The following ERC1 variants were observed in gnomAD, a reference collection of about 807,000 sequenced individuals.
ERC1 encodes the protein RAB6 interacting protein 2.
A neutral mutation model predicts 132.0 loss-of-function variants in ERC1; 56 were observed. The observed-to-expected ratio is 0.42, with a 90% CI of 0.34 to 0.53. The LOEUF is 0.53. Ranked by LOEUF, ERC1 falls within the 20% of genes least tolerant of loss-of-function variation. The pLI, the probability that ERC1 is intolerant of heterozygous loss-of-function variation, is 0.03. For missense variants in ERC1, 1,202 were observed against 1,349.9 expected, an observed-to-expected ratio of 0.89 and a Z score of 1.72; for synonymous variants, 478 against 476.1, an observed-to-expected ratio of 1.00 and a Z score of -0.05.
intron 15 of ERC1, among the ~76,000 whole-genome samples, chr12:1,337,680 G>A (rs1374518584): frequency 1.3e-5 from 2 of 152,168 alleles, no homozygotes; most frequent in Non-Finnish European, 2.9e-5. Flanking sequence ...GCTGGTAATG[G>A]TCTTTCCTTT....
chr12:1,204,360 C>A, intron 12 of ERC1: 1 of 524,514 alleles, frequency 1.9e-6, no homozygotes, highest in Non-Finnish European at 3.3e-6. Context: ...TTTTTAGTGA[C>A]TGTATAGAAT....
rs1436755379 is a variant in ERC1, at chr12:1,180,270, TGTGTGTGTGTGTGC to T, written c.1738-268_1738-255del. On this transcript the variant is annotated intron_variant, in intron 8 of 18. Transcript: ENST00000360905. Reference sequence around the variant, plus strand: ...TGTTAGGGATGTGTGTGTGTGTGTGTGTGTGTGTGTGTGCGCGCACGCGTGTGCGCGCGCGCATA... The same window carrying T: ...TGTTAGGGATGTGTGTGTGTGTGTGTGCGCACGCGTGTGCGCGCGCGCATA... Among the ~76,000 whole-genome samples the T allele has an allele frequency of 1.1e-4, 17 of 148,072 alleles. No individual in the cohort carries two copies. The East Asian group carries it at 3.1e-3, about 27-fold the overall frequency.
At chr12:1,421,052 T>G (rs1319766213) in intron 17 of ERC1, among the ~76,000 whole-genome samples, 6 of 152,184 alleles carry the variant, frequency 3.9e-5, no homozygotes, top group Non-Finnish European at 2.9e-5. Flanking sequence ...ATGTGTATAA[T>G]GTATAATACT....
intron 16 of ERC1, among the ~76,000 whole-genome samples, chr12:1,389,702 C>T (rs938014373): frequency 3.1e-4 from 47 of 152,262 alleles, no homozygotes; most frequent in African/African-American, 1.1e-3. Context: ...ATTAATAAAG[C>T]TCTGTTCCTG....
At chr12:1,404,871 G>C (rs1263573830) in intron 16 of ERC1, among the ~76,000 whole-genome samples, 1 of 152,152 alleles carries the variant, frequency 6.6e-6, no homozygotes, top group Non-Finnish European at 1.5e-5. Flanking sequence ...GGGCGCAGTG[G>C]CTCATGCCTG....
At chr12:1,349,739 A>G (rs548961462) in intron 15 of ERC1, among the ~76,000 whole-genome samples, 1 of 152,258 alleles carries the variant, frequency 6.6e-6, no homozygotes, top group South Asian at 2.1e-4. Context: ...CATTTTATTC[A>G]AAGAGTTGAG....
chr12:1,418,421 G>A (rs1387089239), intron 17 of ERC1, among the ~76,000 whole-genome samples: 1 of 152,154 alleles, frequency 6.6e-6, no homozygotes, highest in East Asian at 1.9e-4. Context: ...TCTGAAGACA[G>A]AGGAACACAA....
chr12:1,485,330 A>G (rs146380565), intron 18 of ERC1, among the ~76,000 whole-genome samples: 1,723 of 145,328 alleles, frequency 0.012, 35 homozygotes, highest in African/African-American at 0.041. Context: ...TCAGCCACCC[A>G]AGTAGCTGGG....
chr12:1,489,731 G>A (rs1358512704), intron 18 of ERC1, among the ~76,000 whole-genome samples: 6 of 152,098 alleles, frequency 3.9e-5, no homozygotes, highest in Non-Finnish European at 7.4e-5. Context: ...TTAGGGCGAG[G>A]GTCGCTCCAC....
rs574625307 is a variant in ERC1 at position 1,420,171 on chromosome 12, A to G, written c.3024+11924A>G. Among the ~76,000 whole-genome samples, 429 of 152,174 alleles carry G rather than the reference A, an allele frequency of 2.8e-3. 6 individuals carry two copies. The highest frequency in any genetic ancestry group is 1.2e-3 in the South Asian group (6 of 4,802). ...TAATTTATTATTTTTAAATGTGTTC[A>G]CATTCAGCATTTCCTTTAACAAAGA... On this transcript the variant is annotated intron_variant, in intron 17 of 18. Coordinates refer to ENST00000360905, the MANE Select transcript of ERC1 (RefSeq NM_178040.4).
intron 17 of ERC1, among the ~76,000 whole-genome samples, chr12:1,429,226 G>T (rs932524419): frequency 1.3e-5 from 2 of 152,218 alleles, no homozygotes; most frequent in African/African-American, 2.4e-5. Context: ...TAGATTGTCT[G>T]TGTCTTCATG....
intron 1 of ERC1, among the ~76,000 whole-genome samples, chr12:1,023,173 AAG>A (rs1966625132): frequency 6.6e-6 from 1 of 152,190 alleles, no homozygotes; most frequent in South Asian, 2.1e-4. Flanking sequence ...TCAGGTTAGA[AAG>A]TTGTTTTAAT....
At chr12:1,335,659 C>T (rs980992151) in intron 15 of ERC1, among the ~76,000 whole-genome samples, 29 of 152,124 alleles carry the variant, frequency 1.9e-4, no homozygotes, top group African/African-American at 6.5e-4. Flanking sequence ...CATTGACGTT[C>T]CTCAAGGATA....
chr12:1,073,814 A>G (rs1940857575), intron 2 of ERC1, among the ~76,000 whole-genome samples: 1 of 152,158 alleles, frequency 6.6e-6, no homozygotes. Context: ...TTGCAAACAC[A>G]TGGGTAAGGC....
chr12:1,127,036 T>C (rs1253465573), intron 7 of ERC1, among the ~76,000 whole-genome samples: 1 of 125,570 alleles, frequency 8.0e-6, no homozygotes, highest in Non-Finnish European at 1.7e-5. Context: ...ATAGAGACTA[T>C]AGGGAGAGGG....
intron 14 of ERC1, among the ~76,000 whole-genome samples, chr12:1,277,076 A>G (rs1248914103): frequency 6.6e-6 from 1 of 152,190 alleles, no homozygotes; most frequent in East Asian, 1.9e-4. Context: ...GAAAAATACA[A>G]TTTAGAAATC....
intron 17 of ERC1, among the ~76,000 whole-genome samples, chr12:1,435,765 G>C (rs544269103): frequency 1.3e-5 from 2 of 152,256 alleles, no homozygotes; most frequent in South Asian, 2.1e-4. Flanking sequence ...TTTTCTGGCT[G>C]TTTCCGATGT....
intron 15 of ERC1, among the ~76,000 whole-genome samples, chr12:1,298,805 C>T (rs2080177128): frequency 6.6e-6 from 1 of 150,478 alleles, no homozygotes; most frequent in Non-Finnish European, 1.5e-5. Flanking sequence ...GTATGCTGTA[C>T]ATAAGACCTG....
In ERC1 at chr12:1,226,594, C is replaced by G. The variant is rs1291940853; in HGVS notation, c.2352-10175C>G. ...CTTCCACGATCTCCCCCTTTCCCAA[C>G]CCTCTAGAAACCACCGTTCTACTTT... On this transcript the variant is annotated intron_variant, in intron 12 of 18. Transcript: ENST00000360905. Among the ~76,000 whole-genome samples, 3 of 152,214 alleles carry G rather than the reference C, an allele frequency of 2.0e-5. No homozygotes were observed. The East Asian group carries it at 5.8e-4, about 29-fold the overall frequency.
Sources: allele counts gnomAD v4.1 joint callset (sites outside exome capture counted in the v4.1 genomes callset), GRCh38; gene constraint gnomAD v4.1.1; transcripts MANE v1.5; gene names NCBI Gene and HGNC (gene_info 2026-07-23, HGNC 2026-07-21).